The following LINGO2 variants were observed in gnomAD, a reference collection of about 807,000 sequenced individuals.
The protein encoded by LINGO2 is leucine rich repeat and Ig domain containing 2.
Under a neutral mutation model 30.6 loss-of-function variants are expected in LINGO2, and 14 were observed. That is an observed-to-expected ratio of 0.46 (90% CI 0.30 to 0.72). LINGO2 has a LOEUF of 0.72. Ranked by LOEUF, LINGO2 falls within the 30% of genes least tolerant of loss-of-function variation. The pLI, the probability that LINGO2 is intolerant of heterozygous loss-of-function variation, is 0.07. For synonymous variants in LINGO2, 317 were observed against 288.5 expected (o/e 1.10, Z -1.00); for missense variants, 729 against 751.7 (o/e 0.97, Z 0.35).
chr9:28,143,326 G>T (rs1827726703), intron 4 of LINGO2, among the ~76,000 whole-genome samples: 1 of 152,122 alleles, frequency 6.6e-6, no homozygotes, highest in South Asian at 2.1e-4. Flanking sequence ...CAATTCTAAG[G>T]ACTGGAATTG....
At chr9:28,881,745 C>T in the LINGO2 span, among the ~76,000 whole-genome samples, 1 of 151,938 alleles carries the variant, frequency 6.6e-6, no homozygotes, top group Non-Finnish European at 1.5e-5. Flanking sequence ...ATCCCATTAC[C>T]TAGGTATTAA....
the LINGO2 span, among the ~76,000 whole-genome samples, chr9:28,739,523 C>A: frequency 6.6e-6 from 1 of 151,720 alleles, no homozygotes; most frequent in Non-Finnish European, 1.5e-5. Flanking sequence ...CAGAAACCAG[C>A]AAATAATAAT....
At position 28,479,911 on chromosome 9, in the gene LINGO2, GTATATATATATATATATATATATATA is replaced by G. The variant is rs58972403; in HGVS notation, c.-364-3912_-364-3887del. ...TGTGTGTATGTGTATATATACGTAG[GTATATATATATATATATATATATATA>G]TATATATATATATATATATGTACAT... On this transcript the variant is annotated intron_variant, in intron 1 of 5. Transcript: ENST00000379992. Among the ~76,000 whole-genome samples the G allele has an allele frequency of 4.4e-3, 221 of 49,786 alleles. 7 individuals are homozygous for G. The highest frequency in any genetic ancestry group is 0.011 in the African/African-American group (174 of 15,434). 32.7% of individuals were successfully genotyped at this position (49,786 alleles called of 152,430 possible). A position where few individuals can be genotyped will look rare whatever the true frequency, so the allele number is the denominator to read the frequency against.
chr9:28,808,124 C>G, the LINGO2 span, among the ~76,000 whole-genome samples: 1 of 152,118 alleles, frequency 6.6e-6, no homozygotes, highest in Non-Finnish European at 1.5e-5. Flanking sequence ...TTTTTTCTCT[C>G]AATGCCATTT....
the LINGO2 span, among the ~76,000 whole-genome samples, chr9:29,107,126 A>G: frequency 6.6e-6 from 1 of 152,162 alleles, no homozygotes; most frequent in African/African-American, 2.4e-5. Context: ...CATCACATAA[A>G]TAAAATTAAA....
intron 4 of LINGO2, among the ~76,000 whole-genome samples, chr9:28,188,477 G>C (rs1186375014): frequency 6.6e-6 from 1 of 152,088 alleles, no homozygotes; most frequent in Non-Finnish European, 1.5e-5. Context: ...CTGGGCCAGA[G>C]GGTATGGGAA....
chr9:28,415,911 T>A (rs1322611839), intron 2 of LINGO2, among the ~76,000 whole-genome samples: 5 of 152,202 alleles, frequency 3.3e-5, no homozygotes, highest in African/African-American at 1.2e-4. Context: ...GCAGTTGTGA[T>A]CTCTGTTATA....
At chr9:28,106,618 T>TC (rs1213818149) in intron 4 of LINGO2, among the ~76,000 whole-genome samples, 1 of 152,166 alleles carries the variant, frequency 6.6e-6, no homozygotes, top group African/African-American at 2.4e-5. Context: ...ACCTGTTTCT[T>TC]CCTTCAGCAT....
chr9:28,235,023 G>A (rs1316399747), intron 4 of LINGO2, among the ~76,000 whole-genome samples: 2 of 152,218 alleles, frequency 1.3e-5, no homozygotes, highest in South Asian at 2.1e-4. Flanking sequence ...GACATGCCTG[G>A]GCACTGAGAA....
the LINGO2 span, among the ~76,000 whole-genome samples, chr9:28,692,701 C>T: frequency 1.3e-5 from 2 of 152,030 alleles, no homozygotes; most frequent in Non-Finnish European, 2.9e-5. Flanking sequence ...TCAGTGAAAC[C>T]TTCTCTAACA....
the LINGO2 span, among the ~76,000 whole-genome samples, chr9:29,145,955 T>C: frequency 6.6e-6 from 1 of 152,166 alleles, no homozygotes; most frequent in Non-Finnish European, 1.5e-5. Context: ...ATTCAGAACA[T>C]CTCAGTTCTT....
At chr9:28,231,341 C>T (rs1277728038) in intron 4 of LINGO2, among the ~76,000 whole-genome samples, 1 of 151,866 alleles carries the variant, frequency 6.6e-6, no homozygotes, top group African/African-American at 2.4e-5. Context: ...CAAGCCATTT[C>T]CAAGTATATT....
intron 2 of LINGO2, among the ~76,000 whole-genome samples, chr9:28,455,074 T>C (rs1824792292): frequency 6.6e-6 from 1 of 152,074 alleles, no homozygotes; most frequent in Non-Finnish European, 1.5e-5. Context: ...TCACTTTCTC[T>C]ATTGCTTTCC....
At chr9:28,042,431 T>C (rs1824236016) in intron 4 of LINGO2, among the ~76,000 whole-genome samples, 1 of 152,296 alleles carries the variant, frequency 6.6e-6, no homozygotes, top group African/African-American at 2.4e-5. Context: ...TGCTGGGAGT[T>C]TGAGGATGAG....
At chr9:28,844,292 G>A in the LINGO2 span, among the ~76,000 whole-genome samples, 6 of 151,900 alleles carry the variant, frequency 3.9e-5, no homozygotes, top group South Asian at 1.2e-3. Flanking sequence ...AACCTGGGAG[G>A]TGGAGGTTGC....
the LINGO2 span, among the ~76,000 whole-genome samples, chr9:28,920,768 TA>T: frequency 1.3e-5 from 2 of 152,100 alleles, no homozygotes; most frequent in African/African-American, 4.8e-5. Context: ...AACCGAATCT[TA>T]AATTGTTTCT....
At chr9:28,604,017 G>C (rs1024491805) in intron 1 of LINGO2, among the ~76,000 whole-genome samples, 6 of 152,088 alleles carry the variant, frequency 3.9e-5, no homozygotes, top group African/African-American at 1.4e-4. Flanking sequence ...TAGCCTTCGA[G>C]TTTTTCTTCC....
intron 1 of LINGO2, among the ~76,000 whole-genome samples, chr9:28,598,149 CTTCT>C (rs1825280327): frequency 6.6e-6 from 1 of 152,120 alleles, no homozygotes; most frequent in African/African-American, 2.4e-5. Context: ...AAATTCAGAA[CTTCT>C]TTGAGAGTTA....
intron 1 of LINGO2, among the ~76,000 whole-genome samples, chr9:28,481,297 A>G (rs942638855): frequency 6.6e-6 from 1 of 152,176 alleles, no homozygotes; most frequent in Non-Finnish European, 1.5e-5. Flanking sequence ...AGACAATTGA[A>G]ACATGGAGAT....
Sources: allele counts gnomAD v4.1 joint callset (sites outside exome capture counted in the v4.1 genomes callset), GRCh38; gene constraint gnomAD v4.1.1; transcripts MANE v1.5; gene names NCBI Gene and HGNC (gene_info 2026-07-23, HGNC 2026-07-21).